Variants in RWDD1 observed in about 807,000 individuals in gnomAD.
RWDD1 encodes the protein RWD domain-containing protein 1.
RWDD1 carries 17 observed loss-of-function variants against 31.6 expected under a neutral mutation model. The observed-to-expected ratio is 0.54, with a 90% confidence interval of 0.37 to 0.81. RWDD1 has a LOEUF of 0.81. Ranked by LOEUF, RWDD1 falls within the 30% of genes least tolerant of loss-of-function variation. The pLI, the probability that RWDD1 is intolerant of heterozygous loss-of-function variation, is 0.00. For synonymous variants in RWDD1, 78 were observed against 94.2 expected, an observed-to-expected ratio of 0.83 and a Z score of 0.99; for missense variants, 204 against 274.5, an observed-to-expected ratio of 0.74 and a Z score of 1.82.
At chr6:116,590,117 G>A (rs1775112807) in intron 4 of RWDD1, among the ~76,000 whole-genome samples, 155 bp from the exon 5 acceptor site, 1 of 152,154 alleles carries the variant, frequency 6.6e-6, no homozygotes, top group Admixed American at 6.6e-5. Flanking sequence ...AGTAGCCAGT[G>A]CAGGCAGAAA....
intron 3 of RWDD1, among the ~76,000 whole-genome samples, chr6:116,586,189 G>A (rs572233085): frequency 3.3e-5 from 5 of 152,008 alleles, no homozygotes; most frequent in African/African-American, 4.8e-5. Context: ...AAAAATAATC[G>A]TTATAATTTT....
rs556995092 is a variant in RWDD1, at chr6:116,596,508, T to C, written c.*3407T>C. On this transcript the variant is annotated 3_prime_UTR_variant, in exon 7 of 7. Transcript: ENST00000466444. ...TGTTGGACAAAGCCATGAAAGGACT[T>C]TTAAAATTTTGTCATAAAAATAGCC... The C allele has an allele frequency of 2.0e-5, 3 of 152,306 alleles. No homozygotes were observed. Among genetic ancestry groups the C allele is most frequent in the African/African-American group, 7.2e-5 (3 of 41,568 alleles). 9.4% of individuals were successfully genotyped at this position (152,306 alleles called of 1,614,324 possible). A position where few individuals can be genotyped will look rare whatever the true frequency, so the allele number is the denominator to read the frequency against.
In RWDD1 at chr6:116,571,507, C is replaced by A. The variant is rs866517408; in HGVS notation, c.-76C>A. Reference sequence around the variant, plus strand: ...GCCCGCCTGGCCGCCGCCCGCTCTCCCGGCGCGGCAGCTGTCTGGGCTGCT... The same window carrying A: ...GCCCGCCTGGCCGCCGCCCGCTCTCACGGCGCGGCAGCTGTCTGGGCTGCT... On this transcript the variant is annotated 5_prime_UTR_variant, in exon 1 of 7. Coordinates refer to ENST00000466444, the MANE Select transcript of RWDD1 (RefSeq NM_015952.4). The A allele has an allele frequency of 8.1e-6, 12 of 1,479,680 alleles. No individual in the cohort carries two copies. In the Middle Eastern group the frequency reaches 9.3e-4, roughly 115 times the overall value. 91.7% of individuals were successfully genotyped at this position (1,479,680 alleles called of 1,614,324 possible). A position where few individuals can be genotyped will look rare whatever the true frequency, so the allele number is the denominator to read the frequency against.
chr6:116,585,646 A>G (rs1024381149), intron 3 of RWDD1, among the ~76,000 whole-genome samples: 1 of 152,198 alleles, frequency 6.6e-6, no homozygotes, highest in Non-Finnish European at 1.5e-5. Context: ...ATCAGTGGTC[A>G]CCATAATGTT....
rs2115318941 is a variant in RWDD1, at chr6:116,571,555, C to T, written c.-28C>T. On this transcript the variant is annotated 5_prime_UTR_variant, in exon 1 of 7. Transcript: ENST00000466444. ...GCTGCGCGCCGCCTAGGTGTCTGGG[C>T]GATCTATGGGCAAGAGCAAGGGCCA... is the stretch of plus-strand genomic sequence containing the variant. 1.9e-6 allele frequency: 3 copies of T among 1,608,294 alleles called. No homozygotes were observed. Among genetic ancestry groups the T allele is most frequent in the East Asian group, 4.5e-5 (2 of 44,292 alleles).
intron 1 of RWDD1, among the ~76,000 whole-genome samples, chr6:116,575,725 C>CT (rs1283038750): frequency 1.3e-5 from 2 of 152,228 alleles, no homozygotes; most frequent in African/African-American, 4.8e-5. Context: ...TGTGGCAGCT[C>CT]TATTTCAAGA....
intron 1 of RWDD1, among the ~76,000 whole-genome samples, chr6:116,575,688 A>G (rs974067373): frequency 1.3e-5 from 2 of 152,160 alleles, no homozygotes; most frequent in Non-Finnish European, 2.9e-5. Flanking sequence ...GTAAAAACTT[A>G]TTTTGCTCTT....
chr6:116,584,471 C>G (rs1281112161), intron 2 of RWDD1, among the ~76,000 whole-genome samples: 1 of 152,212 alleles, frequency 6.6e-6, no homozygotes, highest in African/African-American at 2.4e-5. Flanking sequence ...CCCTCTTTCT[C>G]AGACATGCAG....
At position 116,597,649 on chromosome 6, in the gene RWDD1, AAAAAT is replaced by A. The variant is rs1340433681; in HGVS notation, c.*4555_*4559del. The stretch of plus-strand genomic sequence containing the variant: ...TTTAAATTTTTTTAAAAAAACAGGT[AAAAAT>A]AAAATATTTGCCAAAGACTAAGGGT... On this transcript the variant is annotated 3_prime_UTR_variant, in exon 7 of 7. Coordinates refer to ENST00000466444, the MANE Select transcript of RWDD1 (RefSeq NM_015952.4). The A allele has an allele frequency of 1.4e-4, 22 of 152,182 alleles. No individual in the cohort carries two copies. The highest frequency in any genetic ancestry group is 5.3e-4 in the African/African-American group (22 of 41,552). The allele number at this position is 152,182 out of a possible 1,614,324, so 9.4% of individuals were successfully genotyped here.
intron 1 of RWDD1, 82 bp from the exon 2 acceptor site, chr6:116,580,213 C>A: frequency 1.1e-6 from 1 of 901,400 alleles, no homozygotes; most frequent in Non-Finnish European, 1.7e-6. Flanking sequence ...GTTTCTAGGA[C>A]TGGGTACTGA....
At chr6:116,577,573 G>C (rs1178397054) in intron 1 of RWDD1, among the ~76,000 whole-genome samples, 5 of 148,844 alleles carry the variant, frequency 3.4e-5, no homozygotes, top group Non-Finnish European at 7.5e-5. Context: ...TGATTTTTTT[G>C]TTACTACTCA....
intron 3 of RWDD1, among the ~76,000 whole-genome samples, chr6:116,585,708 A>G (rs1775026738): frequency 6.6e-6 from 1 of 152,194 alleles, no homozygotes; most frequent in Non-Finnish European, 1.5e-5. Flanking sequence ...GAAAGAAGAT[A>G]TATCAGATAG....
rs182389135 is a variant in RWDD1 at position 116,592,059 on chromosome 6, T to A, written c.611-921T>A. Among the ~76,000 whole-genome samples the A allele has an allele frequency of 3.3e-3, 498 of 152,366 alleles. 13 individuals carry two copies. Among genetic ancestry groups the A allele is most frequent in the Admixed American group, 0.024 (368 of 15,304 alleles). On this transcript the variant is annotated intron_variant, in intron 6 of 6. Coordinates refer to ENST00000466444, the MANE Select transcript of RWDD1 (RefSeq NM_015952.4). ...GTGCCATTACCTATTCTATAGTCAC[T>A]CCCTATGAGATGGTATTCCTAAAAC...
intron 5 of RWDD1, 35 bp from the exon 6 acceptor site, chr6:116,590,853 C>T: frequency 1.3e-6 from 2 of 1,543,018 alleles, no homozygotes; most frequent in Non-Finnish European, 1.7e-6. Context: ...AAAACTATGC[C>T]ATTTGAATTA....
intron 2 of RWDD1, 21 bp from the exon 3 acceptor site, chr6:116,584,706 A>G (rs1283810897): frequency 1.9e-6 from 3 of 1,605,084 alleles, no homozygotes; most frequent in Non-Finnish European, 1.7e-6. Context: ...ATTCACATCA[A>G]ACTCTTATCT....
Position 116,595,559 on chromosome 6 carries a change from T to A in RWDD1, c.*2458T>A, listed in dbSNP as rs924246047. On this transcript the variant is annotated 3_prime_UTR_variant, in exon 7 of 7. Transcript: ENST00000466444. ...GGTTTTGCTCTTTGATTTGGTAAAG[T>A]TTTTGTTTTTCTACTCGTGCCAGTT... 4 of 152,192 alleles carry A rather than the reference T, an allele frequency of 2.6e-5. No homozygotes were observed. The highest frequency in any genetic ancestry group is 5.9e-5 in the Non-Finnish European group (4 of 68,030). The allele number at this position is 152,192 out of a possible 1,614,324, so 9.4% of individuals were successfully genotyped here. A position where few individuals can be genotyped will look rare whatever the true frequency, so the allele number is the denominator to read the frequency against.
At chr6:116,582,518 AAGTATAC>A (rs1217290041) in intron 2 of RWDD1, among the ~76,000 whole-genome samples, 1 of 152,028 alleles carries the variant, frequency 6.6e-6, no homozygotes, top group Non-Finnish European at 1.5e-5. Context: ...GGCAGTTTTT[AAGTATAC>A]AGTACATTAT....
intron 2 of RWDD1, 119 bp from the exon 3 acceptor site, chr6:116,584,608 C>G: frequency 1.2e-6 from 1 of 810,674 alleles, no homozygotes; most frequent in Non-Finnish European, 2.0e-6. Context: ...TCCATCTGGT[C>G]TCTTAATAAC....
At chr6:116,590,511 G>C in intron 5 of RWDD1, 107 bp downstream of exon 5, 1 of 1,353,590 alleles carries the variant, frequency 7.4e-7, no homozygotes, top group Non-Finnish European at 9.9e-7. Context: ...ATATACATAG[G>C]CATCTAGGAC....
Sources: allele counts gnomAD v4.1 joint callset (sites outside exome capture counted in the v4.1 genomes callset), GRCh38; gene constraint gnomAD v4.1.1; transcripts MANE v1.5; gene names NCBI Gene and HGNC (gene_info 2026-07-23, HGNC 2026-07-21).